EHBP1L1: variants seen among roughly 807,000 people sequenced by gnomAD.
EHBP1L1 encodes EH domain-binding protein 1-like protein 1.
A neutral mutation model predicts 151.1 loss-of-function variants in EHBP1L1; 122 were observed. The ratio of observed to expected loss-of-function variants is 0.81; its 90% CI spans 0.70 to 0.94. The LOEUF is 0.94. EHBP1L1 is among the 40% of genes least tolerant of loss of function. EHBP1L1 has a pLI of 0.00. For missense variants in EHBP1L1, 1,941 were observed against 1,959.8 expected, an observed-to-expected ratio of 0.99 and a Z score of 0.18; for synonymous variants, 878 against 810.1, an observed-to-expected ratio of 1.08 and a Z score of -1.42.
At chr11:65,581,398 C>T (rs1210285732) in intron 8 of EHBP1L1, 25 bp downstream of exon 8, 2 of 1,507,114 alleles carry the variant, frequency 1.3e-6, no homozygotes, top group Non-Finnish European at 1.8e-6. Flanking sequence ...CAGCCTCACC[C>T]CCCATTGCCC....
At position 65,583,531 on chromosome 11, in the gene EHBP1L1, G is replaced by C; in HGVS notation, c.2859G>C (p.Gly953=). The C allele has an allele frequency of 6.2e-7, 1 of 1,613,162 alleles. No individual in the cohort carries two copies. The highest frequency in any genetic ancestry group is 8.5e-7 in the Non-Finnish European group (1 of 1,179,668). ...GMSEGKSGAW[G]AQEAEMKVLE... ...CAGAGGGCAAATCTGGGGCTTGGGGGGCCCAGGAAGCAGAGATGAAGGTTT... is the reference window on the plus strand; with the variant it reads ...CAGAGGGCAAATCTGGGGCTTGGGGCGCCCAGGAAGCAGAGATGAAGGTTT... The change falls in exon 9 of 19, where the codon GGG becomes GGC. Residue 953 remains glycine, a synonymous_variant. Transcript: ENST00000309295.
chr11:65,583,940 C>T, intron 9 of EHBP1L1, 175 bp downstream of exon 9: 2 of 1,415,636 alleles, frequency 1.4e-6, no homozygotes, highest in Non-Finnish European at 1.8e-6. Context: ...CTCTCTTACC[C>T]CATCTTCCCT....
In EHBP1L1 at chr11:65,581,361, C is replaced by T. The variant is rs753298411; in HGVS notation, c.854C>T (p.Ser285Leu). Reference sequence around the variant, plus strand: ...GAGGCCCCAAGGCCCCCGGAAACCTCACCAGAGATGAGGTGAGCTTTGGAA... The same window carrying T: ...GAGGCCCCAAGGCCCCCGGAAACCTTACCAGAGATGAGGTGAGCTTTGGAA... ...GPEAPRPPET[S>L]PEMRSSRQPA... The change falls in exon 8 of 19, where the codon TCA becomes TTA. Residue 285 changes from serine to leucine, a missense_variant. Ser to Leu is a moderately radical substitution (Grantham distance 145, BLOSUM62 -2). Coordinates refer to ENST00000309295, the MANE Select transcript of EHBP1L1 (RefSeq NM_001099409.3). 3.8e-6 allele frequency: 6 copies of T among 1,568,000 alleles called. No homozygotes were observed. The Admixed American group carries it at 1.2e-4, about 31-fold the overall frequency.
At chr11:65,588,991 T>C (rs1320467212) in intron 12 of EHBP1L1, among the ~76,000 whole-genome samples, 2 of 152,112 alleles carry the variant, frequency 1.3e-5, no homozygotes, top group Non-Finnish European at 2.9e-5. Flanking sequence ...AGGGCTGGGC[T>C]GGGTCACACG....
intron 4 of EHBP1L1, 42 bp from the exon 5 acceptor site, chr11:65,580,039 A>G (rs1166155584): frequency 6.2e-7 from 1 of 1,613,486 alleles, no homozygotes; most frequent in South Asian, 1.1e-5. Context: ...ACCCTGGGAC[A>G]GCACTGATGC....
chr11:65,588,337 C>T (rs949320992), intron 12 of EHBP1L1, among the ~76,000 whole-genome samples: 1 of 152,018 alleles, frequency 6.6e-6, no homozygotes, highest in African/African-American at 2.4e-5. Flanking sequence ...AGGCGTGGCT[C>T]AGGGTGGTAG....
chr11:65,583,237 G>C lies in EHBP1L1; in HGVS notation c.2565G>C (p.Glu855Asp), dbSNP rs753329999. 5 of 1,613,302 alleles carry C rather than the reference G, an allele frequency of 3.1e-6. No homozygotes were observed. Among genetic ancestry groups the C allele is most frequent in the Middle Eastern group, 1.6e-4 (1 of 6,084 alleles). Residue 855 changes from glutamate to aspartate, a missense_variant, in exon 9 of 19, where the codon GAG (glutamate) becomes GAC (aspartate). Physicochemically the swap from Glu to Asp is conservative, Grantham distance 45. Coordinates refer to ENST00000309295, the MANE Select transcript of EHBP1L1 (RefSeq NM_001099409.3). Reference sequence around the variant, plus strand: ...GGGGTTCAGGGATCTCAGGGCCCGAGGCTGGAATGGCAGAGGCCCGAGTAC... The same window carrying C: ...GGGGTTCAGGGATCTCAGGGCCCGACGCTGGAATGGCAGAGGCCCGAGTAC... ...EVGGSGISGP[E>D]AGMAEARVLM...
At position 65,590,153 on chromosome 11, in the gene EHBP1L1, C is replaced by A; in HGVS notation, c.4126C>A (p.Gln1376Lys). Residue 1376 changes from glutamine (Q) to lysine (K), a missense_variant, in exon 15 of 19, where the codon CAG becomes AAG. By Grantham distance (53) the Gln-to-Lys change is moderately conservative. Transcript: ENST00000309295. ...GCAGGCCCTGGAACAGGAGCAGAGGCAGATAGATGGGCGGGCGGCTGAGGT... is the reference window on the plus strand; with the variant it reads ...GCAGGCCCTGGAACAGGAGCAGAGGAAGATAGATGGGCGGGCGGCTGAGGT... ...ELQALEQEQR[Q>K]IDGRAAEVEM... The A allele has an allele frequency of 6.2e-7, 1 of 1,613,832 alleles. No individual in the cohort carries two copies. Among genetic ancestry groups the A allele is most frequent in the Non-Finnish European group, 8.5e-7 (1 of 1,179,820 alleles).
At chr11:65,584,095 C>T (rs1303533776) in intron 9 of EHBP1L1, 146 bp from the exon 10 acceptor site, 1 of 1,475,172 alleles carries the variant, frequency 6.8e-7, no homozygotes, top group Non-Finnish European at 8.9e-7. Flanking sequence ...ACCCTTTTAC[C>T]TGGCCCCAAG....
In EHBP1L1 at chr11:65,592,038, C is replaced by T; in HGVS notation, c.4420C>T (p.Leu1474=). The change falls in exon 18 of 19, where the codon CTG becomes TTG. Residue 1474 remains leucine (L), a synonymous_variant. Transcript: ENST00000309295. The part of the protein sequence containing the change: ...EQLLLEELVS[L]VNQRDELVRD... Reference sequence around the variant, plus strand: ...GCTCCTACTGGAGGAGCTGGTGTCGCTGGTGAACCAGCGCGATGAGCTAGT... The same window carrying T: ...GCTCCTACTGGAGGAGCTGGTGTCGTTGGTGAACCAGCGCGATGAGCTAGT... 6.2e-7 allele frequency: 1 copy of T among 1,613,410 alleles called. No homozygotes were observed. Among genetic ancestry groups the T allele is most frequent in the Non-Finnish European group, 8.5e-7 (1 of 1,179,706 alleles).
At chr11:65,580,625 T>C in intron 6 of EHBP1L1, 146 bp downstream of exon 6, 2 of 1,099,680 alleles carry the variant, frequency 1.8e-6, no homozygotes, top group Non-Finnish European at 2.5e-6. Context: ...GCCTCAATTG[T>C]CCCAACCTGG....
intron 17 of EHBP1L1, 43 bp from the exon 18 acceptor site, chr11:65,591,933 C>T: frequency 6.2e-7 from 1 of 1,608,132 alleles, no homozygotes; most frequent in Non-Finnish European, 8.5e-7. Flanking sequence ...GCGGCACAGC[C>T]CTGGGCCCGC....
At chr11:65,587,199 C>G (rs1202977904) in intron 12 of EHBP1L1, among the ~76,000 whole-genome samples, 1 of 152,150 alleles carries the variant, frequency 6.6e-6, no homozygotes, top group Non-Finnish European at 1.5e-5. Flanking sequence ...ATGGTGAAAC[C>G]CCGTCTCTAA....
intron 1 of EHBP1L1, among the ~76,000 whole-genome samples, chr11:65,578,793 T>C (rs1243281962): frequency 1.3e-5 from 2 of 152,252 alleles, no homozygotes; most frequent in African/African-American, 4.8e-5. Context: ...TTGGTCTCTG[T>C]ATGTGCCTGT....
In EHBP1L1 at chr11:65,583,350, T is replaced by C; in HGVS notation, c.2678T>C (p.Val893Ala). Residue 893 changes from valine to alanine, a missense_variant, in exon 9 of 19, where the codon GTT becomes GCT. Val to Ala is a moderately conservative substitution (Grantham distance 64, BLOSUM62 0). Transcript: ENST00000309295. ...TSGVQEAETR[V>A]GSALKYEALR... ...GGGGTCCAGGAAGCAGAGACTAGAG[T>C]TGGGAGTGCTCTCAAATATGAGGCT... 6.2e-7 allele frequency: 1 copy of C among 1,612,764 alleles called. No homozygotes were observed. The highest frequency in any genetic ancestry group is 8.5e-7 in the Non-Finnish European group (1 of 1,179,536).
At position 65,581,239 on chromosome 11, in the gene EHBP1L1, C is replaced by T. The variant is rs1164151913; in HGVS notation, c.732C>T (p.Thr244=). The change falls in exon 8 of 19, where the codon ACC becomes ACT. Residue 244 remains threonine (T), a synonymous_variant. Transcript: ENST00000309295. The part of the protein sequence containing the change: ...AVASPSNAED[T]SPAPVSAPAP... ...CCAGCCCTTCTAATGCTGAGGATAC[C>T]AGCCCAGCCCCTGTGAGTGCTCCTG... is the stretch of plus-strand genomic sequence containing the variant. 7 of 1,610,716 alleles carry T rather than the reference C, an allele frequency of 4.3e-6. No homozygotes were observed. Among genetic ancestry groups the T allele is most frequent in the Middle Eastern group, 1.6e-4 (1 of 6,080 alleles).
At chr11:65,589,350 C>A (rs561262552) in intron 12 of EHBP1L1, among the ~76,000 whole-genome samples, 165 of 152,288 alleles carry the variant, frequency 1.1e-3, no homozygotes, top group Non-Finnish European at 1.7e-3. Flanking sequence ...CATGATCCTG[C>A]CACTGCACTC....
Position 65,582,856 on chromosome 11 carries a change from G to A in EHBP1L1, c.2184G>A (p.Glu728=). 1 of 1,613,640 alleles carries A rather than the reference G, an allele frequency of 6.2e-7. No homozygotes were observed. Reference sequence around the variant, plus strand: ...AAGCTAAAATATTAGGGACCCAGGAGATAACAGCTAGGGATTCAGGGGTCA... The same window carrying A: ...AAGCTAAAATATTAGGGACCCAGGAAATAACAGCTAGGGATTCAGGGGTCA... The part of the protein sequence containing the change: ...GTEAKILGTQ[E]ITARDSGVRE... The change falls in exon 9 of 19, where the codon GAG becomes GAA. Residue 728 remains glutamate, a synonymous_variant. Transcript: ENST00000309295.
chr11:65,591,785 C>A lies in EHBP1L1; in HGVS notation c.4284-15C>A, dbSNP rs1313902958. Reference sequence around the variant, plus strand: ...ACTGCCACCCCCCCGCCACCCACCCCCCGCCACCTTCCAGCATGGAGGAGC... The same window carrying A: ...ACTGCCACCCCCCCGCCACCCACCCACCGCCACCTTCCAGCATGGAGGAGC... On this transcript the variant is annotated splice_polypyrimidine_tract_variant and intron_variant, in intron 16 of 18. Transcript: ENST00000309295. 1 of 1,524,222 alleles carries A rather than the reference C, an allele frequency of 6.6e-7. No individual in the cohort carries two copies. Among genetic ancestry groups the A allele is most frequent in the South Asian group, 1.2e-5 (1 of 83,486 alleles). The allele number at this position is 1,524,222 out of a possible 1,614,324, so 94.4% of individuals were successfully genotyped here. A position where few individuals can be genotyped will look rare whatever the true frequency, so the allele number is the denominator to read the frequency against.
Sources: allele counts gnomAD v4.1 joint callset (sites outside exome capture counted in the v4.1 genomes callset), GRCh38; gene constraint gnomAD v4.1.1; transcripts MANE v1.5; gene names NCBI Gene and HGNC (gene_info 2026-07-23, HGNC 2026-07-21).